Variants in EXOC6 observed in about 807,000 individuals in gnomAD.
The protein encoded by EXOC6 is exocyst complex component 6.
Under a neutral mutation model 112.5 loss-of-function variants are expected in EXOC6, and 60 were observed. The ratio of observed to expected loss-of-function variants is 0.53; its 90% CI spans 0.43 to 0.66. The LOEUF (loss-of-function observed/expected upper bound fraction) is 0.66. Ranked by LOEUF, EXOC6 falls within the 30% of genes least tolerant of loss-of-function variation. The pLI, the probability that EXOC6 is intolerant of heterozygous loss-of-function variation, is 0.00. For synonymous variants in EXOC6, 295 were observed against 308.0 expected (o/e 0.96, Z 0.44); for missense variants, 855 against 957.1 (o/e 0.89, Z 1.41).
chr10:92,954,781 A>G (rs1184459633), intron 16 of EXOC6, 40 bp downstream of exon 16: 3 of 876,270 alleles, frequency 3.4e-6, no homozygotes, highest in South Asian at 3.0e-5. Flanking sequence ...GTTTCATTGT[A>G]TGAAACAATT....
At chr10:93,038,160 A>G (rs917317813) in intron 20 of EXOC6, among the ~76,000 whole-genome samples, 3 of 149,862 alleles carry the variant, frequency 2.0e-5, no homozygotes, top group Non-Finnish European at 3.0e-5. Flanking sequence ...AAGTTTAAAT[A>G]TTTAAATGCT....
At chr10:92,967,359 C>T (rs1468950953) in intron 17 of EXOC6, among the ~76,000 whole-genome samples, 4 of 151,900 alleles carry the variant, frequency 2.6e-5, no homozygotes, top group South Asian at 2.1e-4. Context: ...TTTTTTCCCT[C>T]GTGACTTAAA....
intron 20 of EXOC6, among the ~76,000 whole-genome samples, chr10:93,038,293 T>C (rs1325511560): frequency 1.3e-5 from 2 of 152,174 alleles, no homozygotes; most frequent in Non-Finnish European, 2.9e-5. Context: ...CAACCTATAC[T>C]GTATTTGCCA....
At chr10:92,979,358 G>A (rs1810212815) in intron 18 of EXOC6, among the ~76,000 whole-genome samples, 1 of 152,170 alleles carries the variant, frequency 6.6e-6, no homozygotes, top group South Asian at 2.1e-4. Context: ...AGATTGTCAT[G>A]ATGTGCAATT....
At chr10:92,981,144 T>C (rs1842810689) in intron 18 of EXOC6, among the ~76,000 whole-genome samples, 1 of 152,272 alleles carries the variant, frequency 6.6e-6, no homozygotes, top group Non-Finnish European at 1.5e-5. Context: ...CTTTGTTTTT[T>C]AAACAAGATT....
chr10:92,833,830 C>A (rs1376975515), upstream of EXOC6, among the ~76,000 whole-genome samples: 2 of 151,982 alleles, frequency 1.3e-5, no homozygotes, highest in Non-Finnish European at 2.9e-5. Flanking sequence ...GAAATACATG[C>A]CCGTTAGTTC....
intron 20 of EXOC6, among the ~76,000 whole-genome samples, chr10:93,052,968 C>T (rs1196881237): frequency 6.6e-6 from 1 of 152,082 alleles, no homozygotes; most frequent in African/African-American, 2.4e-5. Context: ...TAATAACAAA[C>T]ATATTATTTG....
chr10:93,005,910 A>G (rs1843955164), intron 19 of EXOC6, among the ~76,000 whole-genome samples: 1 of 152,206 alleles, frequency 6.6e-6, no homozygotes, highest in African/African-American at 2.4e-5. Context: ...CTGTAATCCC[A>G]GCACTTTGGG....
chr10:93,021,604 T>C (rs1054051294), intron 20 of EXOC6, among the ~76,000 whole-genome samples: 1 of 152,208 alleles, frequency 6.6e-6, no homozygotes, highest in Non-Finnish European at 1.5e-5. Flanking sequence ...CAGTGCTATT[T>C]CCCTGAACAA....
At chr10:92,984,999 A>AAAAACAAAAC (rs372482141) in intron 18 of EXOC6, among the ~76,000 whole-genome samples, 1,584 of 151,782 alleles carry the variant, frequency 0.01, 33 homozygotes, top group African/African-American at 0.035. Flanking sequence ...ACCTTGTCTC[A>AAAAACAAAAC]AAAACAAAAC....
At chr10:92,948,553 A>G (rs1315442248) in intron 14 of EXOC6, among the ~76,000 whole-genome samples, 174 bp downstream of exon 14, 1 of 142,604 alleles carries the variant, frequency 7.0e-6, no homozygotes, top group Non-Finnish European at 1.5e-5. Flanking sequence ...AGAGTATGTT[A>G]TTACTACTAC....
intron 1 of EXOC6, among the ~76,000 whole-genome samples, chr10:92,836,550 A>T (rs1846663487): frequency 6.6e-6 from 1 of 152,002 alleles, no homozygotes; most frequent in Non-Finnish European, 1.5e-5. Flanking sequence ...GGGTGAGAAC[A>T]CTCCTTTCCA....
intron 20 of EXOC6, among the ~76,000 whole-genome samples, chr10:93,042,233 C>T (rs1432360786): frequency 6.6e-6 from 1 of 152,074 alleles, no homozygotes; most frequent in African/African-American, 2.4e-5. Context: ...CTTGAAATAC[C>T]ACGAGCCCTC....
chr10:93,020,309 A>G (rs985870457), intron 20 of EXOC6, among the ~76,000 whole-genome samples: 2 of 152,178 alleles, frequency 1.3e-5, no homozygotes, highest in Non-Finnish European at 2.9e-5. Context: ...AACAAAAATC[A>G]CCAGAGCAAC....
chr10:92,841,114 A>G (rs190772168), intron 1 of EXOC6, among the ~76,000 whole-genome samples: 28 of 152,314 alleles, frequency 1.8e-4, no homozygotes, highest in Middle Eastern at 3.4e-3. Context: ...TATTATTATT[A>G]TTAATTATAG....
At chr10:93,007,462 C>A (rs372838922) in intron 19 of EXOC6, among the ~76,000 whole-genome samples, 5 of 151,274 alleles carry the variant, frequency 3.3e-5, no homozygotes, top group African/African-American at 1.2e-4. Context: ...ACCAGCCTGG[C>A]CAACATGATG....
chr10:92,944,803 G>A (rs1852883371), intron 13 of EXOC6, among the ~76,000 whole-genome samples: 1 of 145,108 alleles, frequency 6.9e-6, no homozygotes, highest in Admixed American at 7.0e-5. Flanking sequence ...ACAGAGTTTC[G>A]CTCTTGTCGC....
chr10:92,981,431 G>A (rs1427935226), intron 18 of EXOC6, among the ~76,000 whole-genome samples: 5 of 152,062 alleles, frequency 3.3e-5, no homozygotes, highest in African/African-American at 4.8e-5. Flanking sequence ...TTGATTTACC[G>A]GCCATAGGGG....
At chr10:92,976,629 C>G (rs2134105673) in intron 18 of EXOC6, among the ~76,000 whole-genome samples, 1 of 150,374 alleles carries the variant, frequency 6.7e-6, no homozygotes, top group South Asian at 2.1e-4. Context: ...TGCCATCCCC[C>G]TCTGCGAGAA....
Sources: allele counts gnomAD v4.1 joint callset (sites outside exome capture counted in the v4.1 genomes callset), GRCh38; gene constraint gnomAD v4.1.1; transcripts MANE v1.5; gene names NCBI Gene and HGNC (gene_info 2026-07-23, HGNC 2026-07-21).